SNX27: variants seen among roughly 807,000 people sequenced by gnomAD.
The protein encoded by SNX27 is sorting nexin-27.
SNX27 carries 22 observed loss-of-function variants against 71.6 expected under a neutral mutation model. The observed-to-expected ratio is 0.31, with a 90% CI of 0.22 to 0.44. The LOEUF is 0.44. SNX27 is among the 20% of genes least tolerant of loss of function. SNX27 has a pLI of 1.00. For synonymous variants in SNX27, 269 were observed against 277.2 expected (o/e 0.97, Z 0.29); for missense variants, 531 against 698.6 (o/e 0.76, Z 2.70).
chr1:151,636,643 G>A (rs1341487081), intron 1 of SNX27, among the ~76,000 whole-genome samples: 1 of 127,302 alleles, frequency 7.9e-6, no homozygotes, highest in Non-Finnish European at 1.6e-5. Flanking sequence ...CAGTCTTTAA[G>A]GTGTCAGCTT....
intron 2 of SNX27, among the ~76,000 whole-genome samples, chr1:151,649,787 C>T (rs1456493651): frequency 6.6e-6 from 1 of 152,140 alleles, no homozygotes; most frequent in Non-Finnish European, 1.5e-5. Flanking sequence ...CCCACTGCAG[C>T]CTTGACCTCC....
chr1:151,650,151 ATGT>A lies in SNX27; in HGVS notation c.544-8081_544-8079del, dbSNP rs1218901374. Among the ~76,000 whole-genome samples, 5 of 152,116 alleles carry A rather than the reference ATGT, an allele frequency of 3.3e-5. No individual in the cohort carries two copies. The East Asian group carries it at 9.7e-4, about 29-fold the overall frequency. ...GATCTGCCCACTTCAGCCTCTCAAG[ATGT>A]TGGGATTACAGGTGTCGGCCACCGC... On this transcript the variant is annotated intron_variant, in intron 2 of 11. Coordinates refer to ENST00000458013, the MANE Select transcript of SNX27 (RefSeq NM_001330723.2).
chr1:151,632,024 A>G (rs35388624), intron 1 of SNX27, among the ~76,000 whole-genome samples: 29,033 of 152,010 alleles, frequency 0.19, 3,128 homozygotes, highest in Middle Eastern at 0.34. Context: ...AAAGAATCTG[A>G]ATTATGTTTG....
In SNX27 at chr1:151,638,939, T is replaced by A. The variant is rs1309577278; in HGVS notation, c.363T>A (p.Ile121=). ...CACACAAGCAGGTGGTGGACCTGATTCGAGCAGGCGAGAAGGAATTGATCT... is the reference window on the plus strand; with the variant it reads ...CACACAAGCAGGTGGTGGACCTGATACGAGCAGGCGAGAAGGAATTGATCT... ...GATHKQVVDL[I]RAGEKELILT... The change falls in exon 2 of 12, where the codon ATT becomes ATA. Residue 121 remains isoleucine (I), a synonymous_variant. Transcript: ENST00000458013. 4 of 1,614,108 alleles carry A rather than the reference T, an allele frequency of 2.5e-6. No individual in the cohort carries two copies. Among genetic ancestry groups the A allele is most frequent in the Non-Finnish European group, 2.5e-6 (3 of 1,180,020 alleles).
At chr1:151,648,210 C>T (rs546821467) in intron 2 of SNX27, among the ~76,000 whole-genome samples, 4 of 152,086 alleles carry the variant, frequency 2.6e-5, no homozygotes, top group Non-Finnish European at 4.4e-5. Flanking sequence ...CGCACCACCA[C>T]GCCCAGCTCA....
intron 1 of SNX27, among the ~76,000 whole-genome samples, chr1:151,638,394 C>T (rs920695978): frequency 3.3e-5 from 5 of 152,134 alleles, no homozygotes; most frequent in African/African-American, 1.2e-4. Context: ...GAATTATCTT[C>T]AGTCATAACT....
Position 151,644,916 on chromosome 1 carries a change from A to G in SNX27, c.543+5797A>G, listed in dbSNP as rs11204865. Among the ~76,000 whole-genome samples the G allele has an allele frequency of 0.027, 4,098 of 152,178 alleles. 509 individuals are homozygous for G. The East Asian group carries it at 0.34, about 13-fold the overall frequency. On this transcript the variant is annotated intron_variant, in intron 2 of 11. Transcript: ENST00000458013. ...CGGGTTCAAGCGATTCTCCTGCCTC[A>G]GCCCTCCTGAGTAGCTGGGATTACA...
intron 2 of SNX27, among the ~76,000 whole-genome samples, chr1:151,642,724 C>T (rs909986939): frequency 2.0e-5 from 3 of 151,284 alleles, no homozygotes; most frequent in Admixed American, 6.6e-5. Flanking sequence ...CTGCAAGCTC[C>T]GCCTCCATGG....
chr1:151,669,781 A>G lies in SNX27; in HGVS notation c.1149+1146A>G, dbSNP rs193138373. ...TTTTGTGGGTACATAGTAGGTGTAT[A>G]TATTTTGGGGTACATGAGATGTTTT... On this transcript the variant is annotated intron_variant, in intron 7 of 11. Coordinates refer to ENST00000458013, the MANE Select transcript of SNX27 (RefSeq NM_001330723.2). 8.7e-4 allele frequency among the ~76,000 whole-genome samples: 133 copies of G among 152,266 alleles called. 3 individuals carry two copies. In the South Asian group the frequency reaches 0.01, roughly 12 times the overall value.
At chr1:151,639,421 T>A (rs1205616566) in intron 2 of SNX27, among the ~76,000 whole-genome samples, 1 of 152,228 alleles carries the variant, frequency 6.6e-6, no homozygotes, top group Non-Finnish European at 1.5e-5. Flanking sequence ...TTTTTGTTTG[T>A]TCTTTTGTTG....
chr1:151,675,892 T>C (rs1670675927), intron 7 of SNX27: 1 of 141,978 alleles, frequency 7.0e-6, no homozygotes. Context: ...AATGGTGTGA[T>C]CATAGTTCAC....
chr1:151,639,525 A>T lies in SNX27; in HGVS notation c.543+406A>T, dbSNP rs189855094. On this transcript the variant is annotated intron_variant, in intron 2 of 11. Coordinates refer to ENST00000458013, the MANE Select transcript of SNX27 (RefSeq NM_001330723.2). ...ATGTAAAAGGATGGTGTCCTTCAAG[A>T]TATTTGGGTAATAGAGAGGTTCACC... Among the ~76,000 whole-genome samples the T allele has an allele frequency of 2.8e-3, 422 of 152,198 alleles. 1 individual carries two copies. Among genetic ancestry groups the T allele is most frequent in the African/African-American group, 9.4e-3 (392 of 41,524 alleles).
At chr1:151,693,122 A>G (rs374924003) in intron 10 of SNX27, 83 bp downstream of exon 10, 5 of 1,534,778 alleles carry the variant, frequency 3.3e-6, no homozygotes, top group Admixed American at 1.9e-5. Flanking sequence ...ATGGAGAGAG[A>G]GATAGAGCTA....
intron 2 of SNX27, among the ~76,000 whole-genome samples, chr1:151,650,594 C>CT (rs1193990520): frequency 1.7e-4 from 25 of 151,232 alleles, no homozygotes; most frequent in African/African-American, 4.6e-4. Flanking sequence ...TAATTTTTCT[C>CT]TTTTTTTTTA....
intron 2 of SNX27, among the ~76,000 whole-genome samples, chr1:151,653,468 T>G (rs1172487382): frequency 6.6e-6 from 1 of 152,212 alleles, no homozygotes; most frequent in Non-Finnish European, 1.5e-5. Context: ...AATGGGTTGC[T>G]ATTACCTTGT....
chr1:151,640,061 T>A (rs996897033), intron 2 of SNX27, among the ~76,000 whole-genome samples: 1 of 152,196 alleles, frequency 6.6e-6, no homozygotes, highest in Non-Finnish European at 1.5e-5. Flanking sequence ...AGTGAAGAGA[T>A]AAGAAAAGCA....
Position 151,697,832 on chromosome 1 carries a change from C to A in SNX27, c.*3415C>A, listed in dbSNP as rs1671848372. On this transcript the variant is annotated 3_prime_UTR_variant, in exon 12 of 12. Transcript: ENST00000458013. ...TCTCCCAGTGCCCCCAGCTTCATCC[C>A]AGCAGAACCAGCAGGATCCTCCTGG... 1 of 152,654 alleles carries A rather than the reference C, an allele frequency of 6.6e-6. No homozygotes were observed. The highest frequency in any genetic ancestry group is 2.1e-4 in the South Asian group (1 of 4,836). 9.5% of individuals were successfully genotyped at this position (152,654 alleles called of 1,614,324 possible).
At chr1:151,668,113 G>A (rs1284092991) in intron 6 of SNX27, among the ~76,000 whole-genome samples, 4 of 152,182 alleles carry the variant, frequency 2.6e-5, no homozygotes, top group African/African-American at 9.7e-5. Context: ...AGGTCCTCAG[G>A]CTGTTTTCTT....
In SNX27 at chr1:151,694,564, C is replaced by A; in HGVS notation, c.*147C>A. 1.4e-6 allele frequency: 1 copy of A among 740,008 alleles called. No homozygotes were observed. The highest frequency in any genetic ancestry group is 2.0e-6 in the Non-Finnish European group (1 of 490,802). The allele number at this position is 740,008 out of a possible 1,614,324, so 45.8% of individuals were successfully genotyped here. Reference sequence around the variant, plus strand: ...GCCCTAAACTAAATATTATTAATAACCCCCTCTGAATTTCATGTCTCTGGA... The same window carrying A: ...GCCCTAAACTAAATATTATTAATAAACCCCTCTGAATTTCATGTCTCTGGA... On this transcript the variant is annotated 3_prime_UTR_variant, in exon 12 of 12. Coordinates refer to ENST00000458013, the MANE Select transcript of SNX27 (RefSeq NM_001330723.2).
Sources: gnomAD v4.1 joint callset for allele counts (sites outside exome capture counted in the v4.1 genomes callset) on GRCh38, gnomAD v4.1.1 for gene constraint, MANE v1.5 for transcripts, NCBI Gene and HGNC (gene_info 2026-07-23, HGNC 2026-07-21) for gene names.